MACROD2: variants seen among roughly 807,000 people sequenced by gnomAD.
MACROD2 encodes ADP-ribose glycohydrolase MACROD2.
In MACROD2, 36 loss-of-function variants were observed where a neutral mutation model predicts 70.4. That is an observed-to-expected ratio of 0.51 (90% CI 0.39 to 0.68). MACROD2 has a LOEUF of 0.68. Among genes scored for constraint, MACROD2 ranks in the 30% least tolerant of loss-of-function variants. The pLI is 0.00. For synonymous variants in MACROD2, 172 were observed against 178.8 expected, an observed-to-expected ratio of 0.96 and a Z score of 0.30; for missense variants, 496 against 538.4, an observed-to-expected ratio of 0.92 and a Z score of 0.78.
intron 7 of MACROD2, among the ~76,000 whole-genome samples, chr20:15,457,055 CTTT>C (rs67567968): frequency 0.024 from 3,213 of 132,158 alleles, 85 homozygotes; most frequent in African/African-American, 0.061. Context: ...TTCCTTTCTT[CTTT>C]TTTTTTTTTT....
chr20:14,291,367 G>A (rs2082384725), intron 3 of MACROD2, among the ~76,000 whole-genome samples: 1 of 152,030 alleles, frequency 6.6e-6, no homozygotes, highest in African/African-American at 2.4e-5. Context: ...CTTGAGATTT[G>A]GACATAAATG....
chr20:14,745,816 G>T (rs988709984), intron 5 of MACROD2, among the ~76,000 whole-genome samples: 1 of 152,078 alleles, frequency 6.6e-6, no homozygotes, highest in African/African-American at 2.4e-5. Flanking sequence ...TCAGTCAGGT[G>T]GTTGAAGTCA....
intron 3 of MACROD2, among the ~76,000 whole-genome samples, chr20:14,200,738 T>G (rs1409543386): frequency 6.6e-6 from 1 of 152,210 alleles, no homozygotes; most frequent in Admixed American, 6.5e-5. Context: ...CATCTCTTGA[T>G]TTTATGTTTT....
intron 5 of MACROD2, among the ~76,000 whole-genome samples, chr20:14,817,032 CA>C (rs1295921159): frequency 6.6e-6 from 1 of 152,040 alleles, no homozygotes; most frequent in Admixed American, 6.6e-5. Flanking sequence ...TATCACTGAG[CA>C]ATATGATTTT....
intron 10 of MACROD2, among the ~76,000 whole-genome samples, chr20:15,905,831 C>G (rs1050291470): frequency 6.6e-6 from 1 of 152,202 alleles, no homozygotes; most frequent in Non-Finnish European, 1.5e-5. Context: ...CTCCTAATGC[C>G]TTGCTCAAGT....
chr20:15,635,371 G>A (rs2049347509), intron 8 of MACROD2, among the ~76,000 whole-genome samples: 1 of 152,156 alleles, frequency 6.6e-6, no homozygotes, highest in Non-Finnish European at 1.5e-5. Context: ...TACACAAAGG[G>A]CAGAAACTGT....
rs561255892 is a variant in MACROD2 at position 14,453,246 on chromosome 20, G to C, written c.272-40233G>C. Among the ~76,000 whole-genome samples, 7 of 152,202 alleles carry C rather than the reference G, an allele frequency of 4.6e-5. No individual in the cohort carries two copies. In the South Asian group the frequency reaches 1.2e-3, roughly 27 times the overall value. On this transcript the variant is annotated intron_variant, in intron 3 of 17. Transcript: ENST00000684519. ...CTGAGAATGCTTGTAGTTTGTCAGC[G>C]GTTTGGGAATATGGTTCCCCTCTGA...
chr20:15,998,911 AT>A (rs919965566), intron 15 of MACROD2, among the ~76,000 whole-genome samples: 3 of 151,602 alleles, frequency 2.0e-5, no homozygotes, highest in South Asian at 4.2e-4. Flanking sequence ...AATTTTGTTA[AT>A]TTTTTTTAAA....
rs1984699075 is a variant in MACROD2, at chr20:14,634,818, A to G, written c.302-50025A>G. 2.0e-5 allele frequency among the ~76,000 whole-genome samples: 3 copies of G among 152,346 alleles called. No homozygotes were observed. In the South Asian group the frequency reaches 6.2e-4, roughly 32 times the overall value. ...TCATCTGAAATTATGTGTTTGCCAGAGTATAATAGCTCTAGACAGGAAGTT... is the reference window on the plus strand; with the variant it reads ...TCATCTGAAATTATGTGTTTGCCAGGGTATAATAGCTCTAGACAGGAAGTT... On this transcript the variant is annotated intron_variant, in intron 4 of 17. Transcript: ENST00000684519.
chr20:15,138,115 C>T (rs6110527), intron 5 of MACROD2, among the ~76,000 whole-genome samples: 2 of 151,882 alleles, frequency 1.3e-5, no homozygotes, highest in Non-Finnish European at 2.9e-5. Context: ...AATTTAGGAA[C>T]TCTATCAATT....
chr20:14,573,512 C>T (rs1308827046), intron 4 of MACROD2, among the ~76,000 whole-genome samples: 2 of 152,146 alleles, frequency 1.3e-5, no homozygotes, highest in South Asian at 2.1e-4. Flanking sequence ...CACTGGAAAC[C>T]TGAGACTTGT....
chr20:15,584,449 A>G (rs2048568644), intron 8 of MACROD2, among the ~76,000 whole-genome samples: 1 of 152,240 alleles, frequency 6.6e-6, no homozygotes. Flanking sequence ...TTGGGAAAAA[A>G]ATGAGATGTA....
chr20:14,382,317 C>G (rs575485688), intron 3 of MACROD2, among the ~76,000 whole-genome samples: 4 of 138,846 alleles, frequency 2.9e-5, no homozygotes, highest in Admixed American at 1.4e-4. Context: ...GCCTTGGCCT[C>G]TCAAAGTGCT....
intron 8 of MACROD2, among the ~76,000 whole-genome samples, chr20:15,681,507 G>T (rs1600752933): frequency 6.6e-6 from 1 of 152,310 alleles, no homozygotes; most frequent in East Asian, 1.9e-4. Flanking sequence ...TGGAGGAGAA[G>T]ATAACATATT....
intron 5 of MACROD2, among the ~76,000 whole-genome samples, chr20:14,703,290 A>G (rs2071228608): frequency 6.6e-6 from 1 of 152,128 alleles, no homozygotes; most frequent in Non-Finnish European, 1.5e-5. Context: ...AGCAATGAAC[A>G]TAGAAGAGCA....
chr20:15,511,472 C>T (rs1271807708), intron 8 of MACROD2, among the ~76,000 whole-genome samples: 1 of 152,146 alleles, frequency 6.6e-6, no homozygotes, highest in Non-Finnish European at 1.5e-5. Context: ...GCCCAGCAAT[C>T]TCCCCTAAAG....
chr20:15,335,618 A>G (rs1176448493), intron 6 of MACROD2, among the ~76,000 whole-genome samples: 1 of 151,780 alleles, frequency 6.6e-6, no homozygotes, highest in Non-Finnish European at 1.5e-5. Flanking sequence ...GACAGCCTAC[A>G]AAATAGTTTG....
chr20:14,871,679 C>A (rs1568846647), intron 5 of MACROD2, among the ~76,000 whole-genome samples: 1 of 152,004 alleles, frequency 6.6e-6, no homozygotes, highest in Non-Finnish European at 1.5e-5. Context: ...GAATACTAAC[C>A]TTGAATATAA....
At chr20:15,097,226 A>G (rs1431039643) in intron 5 of MACROD2, among the ~76,000 whole-genome samples, 1 of 152,166 alleles carries the variant, frequency 6.6e-6, no homozygotes. Context: ...GAAAAACAAT[A>G]TGCAAAATTT....
Sources: gnomAD v4.1 joint callset for allele counts (sites outside exome capture counted in the v4.1 genomes callset) on GRCh38, gnomAD v4.1.1 for gene constraint, MANE v1.5 for transcripts, NCBI Gene and HGNC (gene_info 2026-07-23, HGNC 2026-07-21) for gene names.